The following CALB1 variants were observed in gnomAD, a reference collection of about 807,000 sequenced individuals.
CALB1 encodes calbindin 1, also known as calbindin.
CALB1 carries 16 observed loss-of-function variants against 46.7 expected under a neutral mutation model. The ratio of observed to expected loss-of-function variants is 0.34; its 90% confidence interval spans 0.23 to 0.52. The LOEUF is 0.52. Among genes scored for constraint, CALB1 ranks in the 20% least tolerant of loss-of-function variants. The pLI is 0.95. For synonymous variants in CALB1, 90 were observed against 112.8 expected, an observed-to-expected ratio of 0.80 and a Z score of 1.28; for missense variants, 224 against 300.3, an observed-to-expected ratio of 0.75 and a Z score of 1.88.
Position 90,069,061 on chromosome 8 carries a change from G to A in CALB1, c.316-7C>T. On this transcript the variant is annotated splice_polypyrimidine_tract_variant and splice_region_variant and intron_variant, in intron 4 of 10. Transcript: ENST00000265431. ...TATCATATTTTCTCCATGTCTGTAAGTAATTTTGGATAAGGAAAACAAACA... is the reference window on the plus strand; with the variant it reads ...TATCATATTTTCTCCATGTCTGTAAATAATTTTGGATAAGGAAAACAAACA... 9 of 1,612,946 alleles carry A rather than the reference G, an allele frequency of 5.6e-6. No homozygotes were observed. Among genetic ancestry groups the A allele is most frequent in the Non-Finnish European group, 6.8e-6 (8 of 1,179,160 alleles).
At chr8:90,066,450 C>G (rs750784906) in intron 5 of CALB1, among the ~76,000 whole-genome samples, 4 of 151,978 alleles carry the variant, frequency 2.6e-5, no homozygotes, top group Non-Finnish European at 5.9e-5. Context: ...GCTCCCCAGG[C>G]TGTATTTACA....
At chr8:90,070,441 T>A (rs543445534) in intron 3 of CALB1, among the ~76,000 whole-genome samples, 34 of 152,308 alleles carry the variant, frequency 2.2e-4, no homozygotes, top group South Asian at 2.1e-4. Flanking sequence ...TAACTTTTTT[T>A]AAAAAATTCA....
intron 6 of CALB1, among the ~76,000 whole-genome samples, chr8:90,065,246 A>G (rs1663603047): frequency 6.6e-6 from 1 of 151,290 alleles, no homozygotes; most frequent in South Asian, 2.1e-4. Context: ...TTTTTTCCTG[A>G]AACAGTAAGT....
intron 5 of CALB1, among the ~76,000 whole-genome samples, chr8:90,067,002 T>C (rs1814412655): frequency 6.6e-6 from 1 of 152,120 alleles, no homozygotes; most frequent in African/African-American, 2.4e-5. Flanking sequence ...TTTCTTAGTT[T>C]GATAAAAATT....
In CALB1 at chr8:90,059,309, C is replaced by G. The variant is rs1180405803; in HGVS notation, c.*864G>C. ...AAATATTTTCAGAGGCAGCAGATACCCTTGGTGGAAATGAACAGTTCTACA... is the reference window on the plus strand; with the variant it reads ...AAATATTTTCAGAGGCAGCAGATACGCTTGGTGGAAATGAACAGTTCTACA... On this transcript the variant is annotated 3_prime_UTR_variant, in exon 11 of 11. Coordinates refer to ENST00000265431, the MANE Select transcript of CALB1 (RefSeq NM_004929.4). The G allele has an allele frequency of 6.6e-6, 1 of 152,102 alleles. No homozygotes were observed. Among genetic ancestry groups the G allele is most frequent in the Admixed American group, 6.6e-5 (1 of 15,244 alleles). The allele number at this position is 152,102 out of a possible 1,614,324, so 9.4% of individuals were successfully genotyped here.
chr8:90,073,649 A>T (rs567665041), intron 3 of CALB1, among the ~76,000 whole-genome samples: 1 of 152,250 alleles, frequency 6.6e-6, no homozygotes, highest in South Asian at 2.1e-4. Flanking sequence ...ATAACAGGGG[A>T]CTTTACATCT....
rs547715484 is a variant in CALB1, at chr8:90,073,041, A to G, written c.232-3804T>C. On this transcript the variant is annotated intron_variant, in intron 3 of 10. Transcript: ENST00000265431. ...ACTTGCTTGTCTCCCCTACTAGTCT[A>G]CGTGCTCCTTGAGGATGGGGTCTGT... is the stretch of plus-strand genomic sequence containing the variant. Among the ~76,000 whole-genome samples, 50 of 152,220 alleles carry G rather than the reference A, an allele frequency of 3.3e-4. 1 individual carries two copies. The South Asian group carries it at 0.01, about 31-fold the overall frequency.
At chr8:90,073,242 G>A (rs556301838) in intron 3 of CALB1, among the ~76,000 whole-genome samples, 5 of 152,284 alleles carry the variant, frequency 3.3e-5, no homozygotes, top group Non-Finnish European at 5.9e-5. Context: ...GTGAATAGGG[G>A]TTGGGGTGGA....
chr8:90,082,010 G>T lies in CALB1; in HGVS notation c.156+16C>A, dbSNP rs1328407290. 9 of 1,592,264 alleles carry T rather than the reference G, an allele frequency of 5.7e-6. No homozygotes were observed. The highest frequency in any genetic ancestry group is 1.8e-5 in the Admixed American group (1 of 55,536). On this transcript the variant is annotated intron_variant, in intron 2 of 10. Transcript: ENST00000265431. Reference sequence around the variant, plus strand: ...GGTTAAAAGTCTTTTTTTCTTTTTCGCAAACTTGAACCTACCAATCCAGCC... The same window carrying T: ...GGTTAAAAGTCTTTTTTTCTTTTTCTCAAACTTGAACCTACCAATCCAGCC...
rs1480820709 is a variant in CALB1 at position 90,063,528 on chromosome 8, T to G, written c.451-67A>C. ...ATTTATTGCATGAAGGAGATGAACT[T>G]CAAAATAAAGCTGTTTGAGTTATCA... is the stretch of plus-strand genomic sequence containing the variant. On this transcript the variant is annotated intron_variant, in intron 6 of 10. Transcript: ENST00000265431. The G allele has an allele frequency of 3.0e-6, 4 of 1,346,144 alleles. No homozygotes were observed. In the East Asian group the frequency reaches 9.3e-5, roughly 31 times the overall value. 83.4% of individuals were successfully genotyped at this position (1,346,144 alleles called of 1,614,324 possible).
intron 6 of CALB1, chr8:90,064,321 C>G (rs1289910852): frequency 1.3e-5 from 2 of 151,606 alleles, no homozygotes; most frequent in African/African-American, 2.4e-5. Context: ...CCCATGCTGA[C>G]AAAACATTTT....
intron 3 of CALB1, among the ~76,000 whole-genome samples, chr8:90,072,865 A>G (rs1814558228): frequency 2.0e-5 from 3 of 152,188 alleles, no homozygotes; most frequent in Admixed American, 2.0e-4. Context: ...AACTCCCAAA[A>G]CTTTTTTATG....
intron 2 of CALB1, among the ~76,000 whole-genome samples, chr8:90,081,803 C>A (rs1814736916): frequency 6.6e-6 from 1 of 151,184 alleles, no homozygotes; most frequent in Non-Finnish European, 1.5e-5. Flanking sequence ...CTGTCCCTCC[C>A]TTCTCTCTCT....
intron 6 of CALB1, 177 bp from the exon 7 acceptor site, chr8:90,063,638 T>A: frequency 1.7e-6 from 1 of 591,066 alleles, no homozygotes; most frequent in Non-Finnish European, 3.0e-6. Context: ...AATGTGTCCA[T>A]TGCTAGAGTT....
intron 3 of CALB1, among the ~76,000 whole-genome samples, chr8:90,074,889 G>A (rs763740001): frequency 6.6e-6 from 1 of 152,202 alleles, no homozygotes; most frequent in Non-Finnish European, 1.5e-5. Context: ...TATATTTCAT[G>A]TGAACACCAG....
chr8:90,076,195 C>T (rs751261128), intron 3 of CALB1, among the ~76,000 whole-genome samples: 2 of 152,046 alleles, frequency 1.3e-5, no homozygotes, highest in Non-Finnish European at 2.9e-5. Flanking sequence ...AACTTCTCTG[C>T]AGAACACTTT....
Position 90,069,006 on chromosome 8 carries a change from C to T in CALB1, c.364G>A (p.Glu122Lys), listed in dbSNP as rs1348208057. ...TDHSGFIETE[E>K]LKNFLKDLLE... ...AGTTTTTATTTGCTTACCTTAAGCT[C>T]CTCAGTTTCTATGAAGCCACTGTGG... Residue 122 changes from glutamate (E) to lysine (K), a missense_variant, in exon 5 of 11, where the codon GAG becomes AAG. Coordinates refer to ENST00000265431, the MANE Select transcript of CALB1 (RefSeq NM_004929.4). The T allele has an allele frequency of 6.2e-7, 1 of 1,611,368 alleles. No individual in the cohort carries two copies. The highest frequency in any genetic ancestry group is 1.7e-5 in the Admixed American group (1 of 59,850).
At position 90,059,809 on chromosome 8, in the gene CALB1, A is replaced by T. The variant is rs1275513900; in HGVS notation, c.*364T>A. On this transcript the variant is annotated 3_prime_UTR_variant, in exon 11 of 11. Coordinates refer to ENST00000265431, the MANE Select transcript of CALB1 (RefSeq NM_004929.4). ...TGTTTGGCTTGTTATACATAATTCC[A>T]TTATTCAGTGACAAATGTGCATTTG... The T allele has an allele frequency of 5.2e-6, 1 of 191,498 alleles. No individual in the cohort carries two copies. The highest frequency in any genetic ancestry group is 1.1e-5 in the Non-Finnish European group (1 of 92,832). The allele number at this position is 191,498 out of a possible 1,614,324, so 11.9% of individuals were successfully genotyped here.
chr8:90,062,846 G>A (rs1240800377), intron 9 of CALB1: 1 of 354,818 alleles, frequency 2.8e-6, no homozygotes. Context: ...GATGCCACTT[G>A]TATGAGGTAT....
Sources: allele counts gnomAD v4.1 joint callset (sites outside exome capture counted in the v4.1 genomes callset), GRCh38; gene constraint gnomAD v4.1.1; transcripts MANE v1.5; gene names NCBI Gene and HGNC (gene_info 2026-07-23, HGNC 2026-07-21).